Variants in ARHGAP24 observed in about 807,000 individuals in gnomAD.
The protein encoded by ARHGAP24 is rho GTPase-activating protein 24.
In ARHGAP24, 50 loss-of-function variants were observed where a neutral mutation model predicts 76.4. That is an observed-to-expected ratio of 0.65 (90% CI 0.52 to 0.83). The LOEUF (loss-of-function observed/expected upper bound fraction) is 0.83. ARHGAP24 is among the 40% of genes least tolerant of loss of function. The pLI, the probability that ARHGAP24 is intolerant of heterozygous loss-of-function variation, is 0.00. For missense variants in ARHGAP24, 930 were observed against 914.2 expected (o/e 1.02, Z -0.22); for synonymous variants, 345 against 323.3 (o/e 1.07, Z -0.72).
chr4:85,566,064 CA>C (rs752750849), intron 1 of ARHGAP24, among the ~76,000 whole-genome samples: 6 of 152,196 alleles, frequency 3.9e-5, no homozygotes, highest in Non-Finnish European at 8.8e-5. Context: ...TGGCGTGGTA[CA>C]GTAGCCATCA....
At chr4:85,977,387 C>T (rs1392918883) in intron 7 of ARHGAP24, among the ~76,000 whole-genome samples, 183 bp from the exon 8 acceptor site, 3 of 152,124 alleles carry the variant, frequency 2.0e-5, no homozygotes, top group Admixed American at 6.5e-5. Context: ...AAAGTTTGAT[C>T]CTTTCTAATT....
intron 3 of ARHGAP24, among the ~76,000 whole-genome samples, chr4:85,857,888 C>G (rs991029854): frequency 6.6e-6 from 1 of 152,054 alleles, no homozygotes; most frequent in Non-Finnish European, 1.5e-5. Flanking sequence ...AATATTTTTT[C>G]TGGCCCTCTG....
Position 85,526,258 on chromosome 4 carries a change from G to T in ARHGAP24, c.-20-44264G>T, listed in dbSNP as rs151171548. Among the ~76,000 whole-genome samples, 8 of 151,994 alleles carry T rather than the reference G, an allele frequency of 5.3e-5. No homozygotes were observed. The East Asian group carries it at 1.4e-3, about 26-fold the overall frequency. Reference sequence around the variant, plus strand: ...AACTCCGTCTCTATAAAAATTAGCTGGGCGTGGTAGTGTACACCTGTAGTC... The same window carrying T: ...AACTCCGTCTCTATAAAAATTAGCTTGGCGTGGTAGTGTACACCTGTAGTC... On this transcript the variant is annotated intron_variant, in intron 1 of 9. Transcript: ENST00000395184.
intron 8 of ARHGAP24, among the ~76,000 whole-genome samples, chr4:85,984,305 A>G (rs1279338954): frequency 6.6e-6 from 1 of 152,190 alleles, no homozygotes; most frequent in Non-Finnish European, 1.5e-5. Flanking sequence ...GGTAGCTTAT[A>G]AAGAACAGAA....
chr4:85,646,468 G>A (rs1435080259), intron 2 of ARHGAP24, among the ~76,000 whole-genome samples: 2 of 151,514 alleles, frequency 1.3e-5, no homozygotes, highest in African/African-American at 4.8e-5. Flanking sequence ...CATTCTTTTT[G>A]GTAATACAAA....
chr4:85,570,884 TA>T (rs994288634), intron 2 of ARHGAP24, 163 bp downstream of exon 2: 1 of 785,386 alleles, frequency 1.3e-6, no homozygotes, highest in Non-Finnish European at 2.0e-6. Flanking sequence ...GAGTTGGAGA[TA>T]ATAAAATCGC....
chr4:85,565,968 T>A (rs1726827460), intron 1 of ARHGAP24, among the ~76,000 whole-genome samples: 1 of 152,172 alleles, frequency 6.6e-6, no homozygotes, highest in Non-Finnish European at 1.5e-5. Context: ...CAAAGAACCA[T>A]ACAAACAGTT....
At chr4:85,996,991 G>A (rs890492918) in intron 9 of ARHGAP24, among the ~76,000 whole-genome samples, 8 of 152,030 alleles carry the variant, frequency 5.3e-5, no homozygotes, top group East Asian at 1.9e-4. Flanking sequence ...TGAGATCTAC[G>A]GTATATTTCA....
intron 5 of ARHGAP24, among the ~76,000 whole-genome samples, chr4:85,970,684 C>T (rs346467): frequency 0.36 from 54,012 of 151,800 alleles, 9,789 homozygotes; most frequent in East Asian, 0.52. Context: ...AGGCAGGAAA[C>T]CCCAGTGCCT....
chr4:85,733,060 C>CCTTTTTTTTTTTTTTTTTTTT (rs1460021134), intron 3 of ARHGAP24, among the ~76,000 whole-genome samples: 1 of 55,206 alleles, frequency 1.8e-5, no homozygotes, highest in Non-Finnish European at 3.2e-5. Flanking sequence ...GCCTCACCAA[C>CCTTTTTTTTTTTTTTTTTTTT]TTTTTTTTTT....
intron 1 of ARHGAP24, among the ~76,000 whole-genome samples, chr4:85,550,457 A>G (rs1446111708): frequency 2.0e-5 from 3 of 152,182 alleles, no homozygotes; most frequent in African/African-American, 7.2e-5. Context: ...GGCTTGTAGT[A>G]TAATGTAAAG....
At chr4:85,588,138 C>A (rs116678771) in intron 2 of ARHGAP24, among the ~76,000 whole-genome samples, 1 of 152,162 alleles carries the variant, frequency 6.6e-6, no homozygotes, top group African/African-American at 2.4e-5. Flanking sequence ...TCAGTCATCC[C>A]TGCCTTTATC....
At chr4:85,618,046 A>G (rs1720597380) in intron 2 of ARHGAP24, among the ~76,000 whole-genome samples, 1 of 152,148 alleles carries the variant, frequency 6.6e-6, no homozygotes, top group African/African-American at 2.4e-5. Context: ...TGTGTAATAC[A>G]TTATTATTTA....
chr4:85,941,503 G>A (rs1454246919), intron 4 of ARHGAP24, among the ~76,000 whole-genome samples: 1 of 152,102 alleles, frequency 6.6e-6, no homozygotes, highest in Non-Finnish European at 1.5e-5. Flanking sequence ...AATAGTTTAA[G>A]ACAAGCAAAC....
At chr4:85,750,823 C>G (rs1726234038) in intron 3 of ARHGAP24, among the ~76,000 whole-genome samples, 1 of 152,148 alleles carries the variant, frequency 6.6e-6, no homozygotes, top group South Asian at 2.1e-4. Context: ...TATCTTTAGT[C>G]ATTGTTTCTT....
At chr4:85,845,749 A>G (rs931139425) in intron 3 of ARHGAP24, among the ~76,000 whole-genome samples, 2 of 152,224 alleles carry the variant, frequency 1.3e-5, no homozygotes, top group Admixed American at 6.5e-5. Flanking sequence ...AGAGTTAAAA[A>G]TAAAGTAAAA....
intron 3 of ARHGAP24, among the ~76,000 whole-genome samples, chr4:85,844,371 A>G (rs1411861697): frequency 6.6e-6 from 1 of 152,212 alleles, no homozygotes; most frequent in African/African-American, 2.4e-5. Flanking sequence ...CTATTAGTAA[A>G]TATTTATTGA....
rs560836709 is a variant in ARHGAP24, at chr4:85,916,574, T to C, written c.269-7074T>C. Reference sequence around the variant, plus strand: ...AAAATTATTAACTCTGTATTCTAAATGACAATTAAATGACATAAATTTCCA... The same window carrying C: ...AAAATTATTAACTCTGTATTCTAAACGACAATTAAATGACATAAATTTCCA... On this transcript the variant is annotated intron_variant, in intron 3 of 9. Transcript: ENST00000395184. Among the ~76,000 whole-genome samples, 7 of 152,304 alleles carry C rather than the reference T, an allele frequency of 4.6e-5. No homozygotes were observed. In the South Asian group the frequency reaches 1.4e-3, roughly 32 times the overall value.
At chr4:85,595,886 A>C (rs1348094952) in intron 2 of ARHGAP24, among the ~76,000 whole-genome samples, 4 of 152,012 alleles carry the variant, frequency 2.6e-5, no homozygotes, top group Non-Finnish European at 5.9e-5. Flanking sequence ...GCAAAATGTT[A>C]GGGTTGACTT....
Sources: gnomAD v4.1 joint callset for allele counts (sites outside exome capture counted in the v4.1 genomes callset) on GRCh38, gnomAD v4.1.1 for gene constraint, MANE v1.5 for transcripts, NCBI Gene and HGNC (gene_info 2026-07-23, HGNC 2026-07-21) for gene names.